Variants in ESR1 observed in about 807,000 individuals in gnomAD.
ESR1 encodes estrogen receptor 1, also known as estrogen receptor.
A neutral mutation model predicts 52.7 loss-of-function variants in ESR1; 12 were observed. That is an observed-to-expected ratio of 0.23 (90% CI 0.15 to 0.37). The LOEUF is 0.37. Among genes scored for constraint, ESR1 ranks in the 10% least tolerant of loss-of-function variants. ESR1 has a pLI of 1.00. For missense variants in ESR1, 584 were observed against 779.7 expected, an observed-to-expected ratio of 0.75 and a Z score of 2.99; for synonymous variants, 305 against 316.8, an observed-to-expected ratio of 0.96 and a Z score of 0.39.
chr6:151,910,443 C>CTGTT (rs1276537332), intron 3 of ESR1, among the ~76,000 whole-genome samples: 3 of 152,262 alleles, frequency 2.0e-5, no homozygotes, highest in Admixed American at 2.0e-4. Context: ...TCAACCATAA[C>CTGTT]TAGCACTCAT....
intron 6 of ESR1, among the ~76,000 whole-genome samples, chr6:152,072,453 CTTTG>C (rs1364344431): frequency 2.0e-5 from 3 of 152,120 alleles, no homozygotes; most frequent in Admixed American, 6.5e-5. Context: ...CTTCCAAAGA[CTTTG>C]TTTGCTTTGT....
chr6:151,834,548 A>G (rs1162335457), intron 1 of ESR1, among the ~76,000 whole-genome samples: 1 of 152,072 alleles, frequency 6.6e-6, no homozygotes, highest in African/African-American at 2.4e-5. Flanking sequence ...GGGGTCTATC[A>G]GGGGGTTGGG....
chr6:152,125,520 G>C (rs2053094068), exon 7 of ESR1: 2 of 945,150 alleles, frequency 2.1e-6, no homozygotes, highest in Non-Finnish European at 3.0e-6. Flanking sequence ...AGTGTCTTAA[G>C]AAGGATAGGA....
intron 2 of ESR1, among the ~76,000 whole-genome samples, chr6:151,718,426 T>C (rs1781213080): frequency 6.6e-6 from 1 of 152,228 alleles, no homozygotes; most frequent in African/African-American, 2.4e-5. Flanking sequence ...AAATAATGAA[T>C]TATTTTTGGT....
At chr6:151,669,667 T>C (rs1451944123) in intron 1 of ESR1, among the ~76,000 whole-genome samples, 1 of 152,098 alleles carries the variant, frequency 6.6e-6, no homozygotes, top group African/African-American at 2.4e-5. Context: ...TGTAACCACT[T>C]GGTAGGGCTG....
At chr6:151,806,530 G>A (rs9371556), upstream of ESR1, among the ~76,000 whole-genome samples, 63 of 96,396 alleles carry the variant, frequency 6.5e-4, no homozygotes, top group South Asian at 9.8e-4. Flanking sequence ...TCCTTAATAT[G>A]TATATATATA....
chr6:152,001,486 C>G (rs1279783826), intron 4 of ESR1, among the ~76,000 whole-genome samples: 2 of 152,042 alleles, frequency 1.3e-5, no homozygotes, highest in African/African-American at 2.4e-5. Flanking sequence ...GGCCTCAACT[C>G]TGTACACTGC....
intron 2 of ESR1, among the ~76,000 whole-genome samples, chr6:151,873,462 C>T (rs1791311784): frequency 6.6e-6 from 1 of 152,082 alleles, no homozygotes. Context: ...GGAATTACCC[C>T]CAGATAGGAA....
chr6:151,693,213 G>A (rs1384360758), intron 1 of ESR1, among the ~76,000 whole-genome samples: 1 of 152,164 alleles, frequency 6.6e-6, no homozygotes, highest in Non-Finnish European at 1.5e-5. Context: ...TCTATTCTAA[G>A]CCTAGCACAG....
intron 3 of ESR1, among the ~76,000 whole-genome samples, chr6:151,905,009 A>T (rs1797227251): frequency 6.6e-6 from 1 of 152,228 alleles, no homozygotes; most frequent in African/African-American, 2.4e-5. Flanking sequence ...GAGTTGTCTG[A>T]TACAAGGCCA....
At chr6:151,698,111 A>G (rs2115396665) in intron 1 of ESR1, among the ~76,000 whole-genome samples, 1 of 152,052 alleles carries the variant, frequency 6.6e-6, no homozygotes, top group Non-Finnish European at 1.5e-5. Context: ...CACACCTGTA[A>G]TCCTAGCACT....
At chr6:151,801,123 GT>G (rs750287462), upstream of ESR1, among the ~76,000 whole-genome samples, 15 of 151,320 alleles carry the variant, frequency 9.9e-5, no homozygotes, top group Non-Finnish European at 1.9e-4. Context: ...CTGAATCTAA[GT>G]GAATTTAGGC....
At chr6:151,984,424 C>T (rs1412447447) in intron 4 of ESR1, among the ~76,000 whole-genome samples, 1 of 152,120 alleles carries the variant, frequency 6.6e-6, no homozygotes, top group Non-Finnish European at 1.5e-5. Flanking sequence ...CAAACACTAG[C>T]AACAACTAAC....
chr6:151,901,114 C>T (rs1796606668), intron 3 of ESR1, among the ~76,000 whole-genome samples: 1 of 152,130 alleles, frequency 6.6e-6, no homozygotes, highest in Admixed American at 6.5e-5. Flanking sequence ...GTGAGTCTTG[C>T]TGAGGCTGTG....
intron 2 of ESR1, among the ~76,000 whole-genome samples, chr6:151,873,724 G>A (rs1791359479): frequency 6.6e-6 from 1 of 152,188 alleles, no homozygotes; most frequent in African/African-American, 2.4e-5. Context: ...AGAAACTTGT[G>A]ATTTCACATC....
At chr6:152,029,320 G>C (rs1178240296) in intron 5 of ESR1, among the ~76,000 whole-genome samples, 2 of 152,182 alleles carry the variant, frequency 1.3e-5, no homozygotes, top group East Asian at 3.9e-4. Context: ...AGAAAAGAAG[G>C]CTTCAGACGA....
chr6:151,930,911 A>G (rs931324822), intron 3 of ESR1, among the ~76,000 whole-genome samples: 4 of 152,058 alleles, frequency 2.6e-5, no homozygotes, highest in African/African-American at 7.2e-5. Context: ...CCTGTTCTCT[A>G]TGGTTAGGTG....
intron 1 of ESR1, among the ~76,000 whole-genome samples, chr6:151,683,864 A>ATTTTTTTTTTTTTTTTTTTT (rs66983259): frequency 8.4e-6 from 1 of 118,476 alleles, no homozygotes. Context: ...ACGTCTGGCT[A>ATTTTTTTTTTTTTTTTTTTT]TTTTTTTTTT....
chr6:151,750,979 C>G (rs148909670), intron 2 of ESR1, among the ~76,000 whole-genome samples: 1 of 152,170 alleles, frequency 6.6e-6, no homozygotes, highest in Non-Finnish European at 1.5e-5. Context: ...AAGCAGACAG[C>G]CTTGGAGAAC....
Sources: allele counts gnomAD v4.1 joint callset (sites outside exome capture counted in the v4.1 genomes callset), GRCh38; gene constraint gnomAD v4.1.1; transcripts MANE v1.5; gene names NCBI Gene and HGNC (gene_info 2026-07-23, HGNC 2026-07-21).